Variants in UHRF2 observed in about 807,000 individuals in gnomAD.
UHRF2 encodes the protein E3 ubiquitin-protein ligase UHRF2.
Under a neutral mutation model 96.8 loss-of-function variants are expected in UHRF2, and 23 were observed. The ratio of observed to expected loss-of-function variants is 0.24; its 90% confidence interval spans 0.17 to 0.34. The LOEUF (loss-of-function observed/expected upper bound fraction) is 0.34, where lower values mean the gene tolerates loss of function less well. UHRF2 is among the 10% of genes least tolerant of loss of function. The pLI, the probability that UHRF2 is intolerant of heterozygous loss-of-function variation, is 1.00. For missense variants in UHRF2, 685 were observed against 981.5 expected, an observed-to-expected ratio of 0.70 and a Z score of 4.04; for synonymous variants, 385 against 332.6, an observed-to-expected ratio of 1.16 and a Z score of -1.72.
chr9:6,502,535 G>T (rs1345139111), intron 14 of UHRF2, among the ~76,000 whole-genome samples: 1 of 152,142 alleles, frequency 6.6e-6, no homozygotes, highest in Admixed American at 6.6e-5. Flanking sequence ...CAATCCTCCC[G>T]CTTCAGCCTC....
At chr9:6,450,031 G>A (rs770719133) in intron 3 of UHRF2, among the ~76,000 whole-genome samples, 13 of 152,082 alleles carry the variant, frequency 8.5e-5, no homozygotes, top group Non-Finnish European at 1.6e-4. Flanking sequence ...TCAGCCATGG[G>A]TATAGCTTCA....
chr9:6,422,912 A>T (rs1311211729), intron 2 of UHRF2: 1 of 361,644 alleles, frequency 2.8e-6, no homozygotes, highest in Non-Finnish European at 4.9e-6. Context: ...ATATAGAGAA[A>T]TGAAATTGAT....
At chr9:6,430,487 GGA>G (rs1211780230) in intron 2 of UHRF2, among the ~76,000 whole-genome samples, 1 of 152,158 alleles carries the variant, frequency 6.6e-6, no homozygotes, top group Non-Finnish European at 1.5e-5. Flanking sequence ...TACTGGCTGA[GGA>G]GAGACTGCCC....
At chr9:6,464,194 G>C (rs1161168261) in intron 4 of UHRF2, among the ~76,000 whole-genome samples, 1 of 152,100 alleles carries the variant, frequency 6.6e-6, no homozygotes, top group Non-Finnish European at 1.5e-5. Flanking sequence ...CTCCTAGTGG[G>C]GTTGAGAATC....
intron 3 of UHRF2, among the ~76,000 whole-genome samples, chr9:6,448,782 G>T (rs369389550): frequency 6.6e-6 from 1 of 152,304 alleles, no homozygotes; most frequent in African/African-American, 2.4e-5. Flanking sequence ...GTAGGTTGTG[G>T]CAGTAGACAG....
chr9:6,434,444 G>T, intron 3 of UHRF2: 1 of 221,740 alleles, frequency 4.5e-6, no homozygotes, highest in Non-Finnish European at 8.3e-6. Context: ...TCTCTATTAG[G>T]TGGGCTTTTT....
chr9:6,485,803 CAAAAAAAAAAAAAAA>C (rs57868028), intron 8 of UHRF2, among the ~76,000 whole-genome samples: 1 of 59,192 alleles, frequency 1.7e-5, no homozygotes, highest in Non-Finnish European at 3.3e-5. Context: ...TGTCTCTACC[CAAAAAAAAAAAAAAA>C]AAAAAAAAAA....
rs777440361 is a variant in UHRF2 at position 6,504,565 on chromosome 9, C to G, written c.2164-28C>G. ...AGCATATTATGAACTGCTAACTTTT[C>G]TTTCCTTATCCTTGGATACTGTTCT... On this transcript the variant is annotated intron_variant, in intron 14 of 15. Transcript: ENST00000276893. 3.9e-6 allele frequency: 6 copies of G among 1,553,310 alleles called. No individual in the cohort carries two copies. In the African/African-American group the frequency reaches 8.2e-5, roughly 21 times the overall value.
chr9:6,416,374 C>G (rs1373663424), intron 1 of UHRF2, among the ~76,000 whole-genome samples: 1 of 150,758 alleles, frequency 6.6e-6, no homozygotes, highest in Non-Finnish European at 1.5e-5. Context: ...AGCCTTGACT[C>G]CACATTTGAG....
chr9:6,487,341 A>G (rs1824362495), intron 9 of UHRF2, among the ~76,000 whole-genome samples: 1 of 151,736 alleles, frequency 6.6e-6, no homozygotes, highest in Non-Finnish European at 1.5e-5. Context: ...GGCGCCTGCC[A>G]TCACACCTGG....
chr9:6,433,826 A>G, intron 2 of UHRF2, 88 bp from the exon 3 acceptor site: 11 of 1,386,294 alleles, frequency 7.9e-6, no homozygotes, highest in Non-Finnish European at 1.1e-5. Context: ...GTTTACCATG[A>G]TAACCCACAA....
At chr9:6,424,802 G>A (rs1202063031) in intron 2 of UHRF2, among the ~76,000 whole-genome samples, 11 of 130,710 alleles carry the variant, frequency 8.4e-5, no homozygotes, top group African/African-American at 2.3e-4. Flanking sequence ...TTCAATTACC[G>A]TGACCATTTT....
At chr9:6,418,428 C>A (rs1248096424) in intron 1 of UHRF2, among the ~76,000 whole-genome samples, 1 of 152,022 alleles carries the variant, frequency 6.6e-6, no homozygotes, top group Non-Finnish European at 1.5e-5. Flanking sequence ...TTGTGAAATT[C>A]TTGATCCCTT....
rs963108635 is a variant in UHRF2 at position 6,486,886 on chromosome 9, T to A, written c.1458T>A (p.Ala486=). ...TTCATGGTCGAAGTAATGATGGGGC[T>A]TATTCTCTTGTACTGGCTGGTGGAT... ...GGIHGRSNDG[A]YSLVLAGGFA... Residue 486 remains alanine, a synonymous_variant, in exon 9 of 16, where the codon GCT becomes GCA. Coordinates refer to ENST00000276893, the MANE Select transcript of UHRF2 (RefSeq NM_152896.3). 1.2e-6 allele frequency: 2 copies of A among 1,614,048 alleles called. No homozygotes were observed. Among genetic ancestry groups the A allele is most frequent in the African/African-American group, 2.7e-5 (2 of 74,936 alleles).
chr9:6,428,757 C>G (rs781603178), intron 2 of UHRF2, among the ~76,000 whole-genome samples: 8 of 152,020 alleles, frequency 5.3e-5, no homozygotes, highest in Non-Finnish European at 1.2e-4. Context: ...CTATGTTGTC[C>G]AGGCTGGTCT....
chr9:6,470,039 C>G (rs1333608098), intron 4 of UHRF2, among the ~76,000 whole-genome samples: 2 of 152,054 alleles, frequency 1.3e-5, no homozygotes, highest in Non-Finnish European at 2.9e-5. Context: ...GCAATTTAAG[C>G]TAGGAGACAG....
At chr9:6,483,941 A>C (rs541361696) in intron 8 of UHRF2, among the ~76,000 whole-genome samples, 60 of 152,288 alleles carry the variant, frequency 3.9e-4, no homozygotes, top group African/African-American at 1.4e-3. Context: ...TGCCTGTCTC[A>C]GCCTCCCAAA....
rs890580711 is a variant in UHRF2 at position 6,500,583 on chromosome 9, A to C, written c.2037A>C (p.Lys679Asn). 1 of 1,613,212 alleles carries C rather than the reference A, an allele frequency of 6.2e-7. No individual in the cohort carries two copies. ...DDCPSASKVY[K>N]ASDSAEAIEA... The stretch of plus-strand genomic sequence containing the variant: ...GTCCAAGTGCCTCCAAAGTGTACAA[A>C]GCATCAGATTCAGCAGAAGCAATTG... The change falls in exon 14 of 16, where the codon AAA (lysine) becomes AAC (asparagine). Residue 679 changes from lysine (K) to asparagine (N), a missense_variant. Around this residue, in one of 6 missense-constraint regions of UHRF2, gnomAD observed 99 missense variants for 73.5 expected, o/e 1.35. Coordinates refer to ENST00000276893, the MANE Select transcript of UHRF2 (RefSeq NM_152896.3).
chr9:6,471,633 C>A (rs1563784883), intron 4 of UHRF2, among the ~76,000 whole-genome samples: 1 of 152,296 alleles, frequency 6.6e-6, no homozygotes, highest in East Asian at 1.9e-4. Context: ...TGAGACTGCA[C>A]CCCTGACCAA....
Sources: gnomAD v4.1 joint callset for allele counts (sites outside exome capture counted in the v4.1 genomes callset) on GRCh38, gnomAD v4.1.1 for gene constraint, gnomAD v4.1.1 regional missense constraint, MANE v1.5 for transcripts, NCBI Gene and HGNC (gene_info 2026-07-23, HGNC 2026-07-21) for gene names.